The following HSD17B7 variants were observed in gnomAD, a reference collection of about 807,000 sequenced individuals.
HSD17B7 encodes hydroxysteroid 17-beta dehydrogenase 7.
In HSD17B7, 17 loss-of-function variants were observed where a neutral mutation model predicts 34.1. The ratio of observed to expected loss-of-function variants is 0.50; its 90% CI spans 0.34 to 0.75. HSD17B7 has a LOEUF of 0.75. Among genes scored for constraint, HSD17B7 ranks in the 30% least tolerant of loss-of-function variants. The probability of loss-of-function intolerance (pLI) is 0.01; values close to 1 mark genes in which losing one functional copy is unlikely to be tolerated. For missense variants in HSD17B7, 296 were observed against 406.6 expected (o/e 0.73, Z 2.34); for synonymous variants, 122 against 154.6 (o/e 0.79, Z 1.56).
chr1:162,806,459 G>T (rs183649390), intron 8 of HSD17B7, among the ~76,000 whole-genome samples: 8 of 152,204 alleles, frequency 5.3e-5, no homozygotes, highest in African/African-American at 1.4e-4. Context: ...GCAAGAAGCA[G>T]TTCCTCTAGC....
Position 162,799,942 on chromosome 1 carries a change from G to T in HSD17B7, c.642+5G>T. ...AACAGGAACTTCAACCAGCAGGTAA[G>T]GCCTGTCTCAGTGATACGGAAATGG... On this transcript the variant is annotated splice_donor_5th_base_variant and intron_variant, in intron 5 of 8. Coordinates refer to ENST00000254521, the MANE Select transcript of HSD17B7 (RefSeq NM_016371.4). 1.2e-6 allele frequency: 2 copies of T among 1,613,488 alleles called. No homozygotes were observed. Among genetic ancestry groups the T allele is most frequent in the Non-Finnish European group, 1.7e-6 (2 of 1,179,488 alleles).
intron 5 of HSD17B7, 174 bp downstream of exon 5, chr1:162,800,111 G>A: frequency 2.8e-6 from 2 of 717,816 alleles, no homozygotes; most frequent in South Asian, 1.5e-5. Flanking sequence ...TATAGTTATA[G>A]GTAGTTCATT....
chr1:162,794,476 A>C (rs1648532929), intron 2 of HSD17B7, among the ~76,000 whole-genome samples: 1 of 152,202 alleles, frequency 6.6e-6, no homozygotes, highest in African/African-American at 2.4e-5. Flanking sequence ...AAGAAAAAAA[A>C]ACAAAAAACC....
chr1:162,793,962 A>C (rs1648509063), intron 2 of HSD17B7, among the ~76,000 whole-genome samples: 1 of 152,220 alleles, frequency 6.6e-6, no homozygotes, highest in Non-Finnish European at 1.5e-5. Flanking sequence ...TTTGATCAAT[A>C]GTTGGTATAT....
At position 162,792,725 on chromosome 1, in the gene HSD17B7, G is replaced by T; in HGVS notation, c.102G>T (p.Ala34=). ...AEDDELHLCL[A]CRNMSKAEAV... ...ATGATGAGCTTCATCTGTGTTTGGC[G>T]TGCAGGAACATGAGCAAGGCAGAAG... The change falls in exon 2 of 9, where the codon GCG becomes GCT. Residue 34 remains alanine, a synonymous_variant. Transcript: ENST00000254521. 3 of 1,614,110 alleles carry T rather than the reference G, an allele frequency of 1.9e-6. No homozygotes were observed. Among genetic ancestry groups the T allele is most frequent in the Admixed American group, 1.7e-5 (1 of 60,020 alleles).
intron 4 of HSD17B7, chr1:162,799,478 TCTGGGTGCTTATTGCTG>T (rs1648733892): frequency 3.3e-6 from 1 of 302,266 alleles, no homozygotes; most frequent in African/African-American, 2.1e-5. Context: ...GAAACCAAGA[TCTGGGTGCTTATTGCTG>T]CTGAGATATC....
At chr1:162,795,532 G>T in intron 2 of HSD17B7, 2 of 385,332 alleles carry the variant, frequency 5.2e-6, no homozygotes, top group South Asian at 4.0e-5. Flanking sequence ...CACTATCTTT[G>T]TGGCACTTAC....
intron 8 of HSD17B7, among the ~76,000 whole-genome samples, chr1:162,810,777 CTT>C (rs1173249489): frequency 3.3e-5 from 5 of 151,982 alleles, no homozygotes; most frequent in Admixed American, 3.3e-4. Context: ...CAACCCCTGC[CTT>C]TTTTTGTTTT....
intron 7 of HSD17B7, among the ~76,000 whole-genome samples, chr1:162,805,173 A>G (rs1422003147): frequency 6.6e-6 from 1 of 152,260 alleles, no homozygotes; most frequent in African/African-American, 2.4e-5. Flanking sequence ...ACAGAAATAA[A>G]TGCATTTATT....
At chr1:162,807,694 T>C (rs1335043375) in intron 8 of HSD17B7, among the ~76,000 whole-genome samples, 2 of 152,204 alleles carry the variant, frequency 1.3e-5, no homozygotes, top group Non-Finnish European at 2.9e-5. Flanking sequence ...TATCTCATTG[T>C]GGTTTTGATT....
At chr1:162,793,776 T>C (rs1648500661) in intron 2 of HSD17B7, among the ~76,000 whole-genome samples, 1 of 152,224 alleles carries the variant, frequency 6.6e-6, no homozygotes, top group East Asian at 1.9e-4. Flanking sequence ...ATTTAACAAG[T>C]GAAGAAACTG....
At chr1:162,792,902 G>A (rs1423342016) in intron 2 of HSD17B7, 40 bp downstream of exon 2, 1 of 1,586,112 alleles carries the variant, frequency 6.3e-7, no homozygotes, top group South Asian at 1.1e-5. Flanking sequence ...TCATGTGATT[G>A]TGCAGCATAA....
At chr1:162,794,452 T>C (rs1401371571) in intron 2 of HSD17B7, among the ~76,000 whole-genome samples, 2 of 152,316 alleles carry the variant, frequency 1.3e-5, no homozygotes, top group Middle Eastern at 6.8e-3. Context: ...ATTAGAGTTT[T>C]CTACCGCATC....
intron 8 of HSD17B7, among the ~76,000 whole-genome samples, chr1:162,810,659 ATAGT>A: frequency 7.0e-6 from 1 of 142,924 alleles, no homozygotes; most frequent in Middle Eastern, 3.6e-3. Flanking sequence ...ATATATTTAG[ATAGT>A]TAGTTCTTCT....
At position 162,804,020 on chromosome 1, in the gene HSD17B7, A is replaced by G. The variant is rs182415688; in HGVS notation, c.748-247A>G. 1.6e-4 allele frequency among the ~76,000 whole-genome samples: 25 copies of G among 152,354 alleles called. No homozygotes were observed. The East Asian group carries it at 4.6e-3, about 28-fold the overall frequency. On this transcript the variant is annotated intron_variant, in intron 6 of 8. Transcript: ENST00000254521. Reference sequence around the variant, plus strand: ...ATGATTCTCTCTTTAGGGCTCAGGAAGAAGTGTCTTTTCCTTAGGGCAGGC... The same window carrying G: ...ATGATTCTCTCTTTAGGGCTCAGGAGGAAGTGTCTTTTCCTTAGGGCAGGC...
At chr1:162,795,127 A>T (rs931208995) in intron 2 of HSD17B7, among the ~76,000 whole-genome samples, 1 of 152,216 alleles carries the variant, frequency 6.6e-6, no homozygotes, top group Admixed American at 6.5e-5. Flanking sequence ...AAGTGTCCAG[A>T]TAGATTCTTA....
At chr1:162,804,424 G>T in intron 7 of HSD17B7, 101 bp downstream of exon 7, 1 of 775,842 alleles carries the variant, frequency 1.3e-6, no homozygotes, top group Non-Finnish European at 2.1e-6. Flanking sequence ...GATAATAAGA[G>T]AATAAGCTCT....
chr1:162,802,440 A>C (rs1298231580), intron 5 of HSD17B7, among the ~76,000 whole-genome samples: 1 of 152,008 alleles, frequency 6.6e-6, no homozygotes, highest in Non-Finnish European at 1.5e-5. Context: ...TTAGCTCTTG[A>C]CTTTTTTCTA....
At chr1:162,805,770 T>G (rs2102236188) in intron 8 of HSD17B7, among the ~76,000 whole-genome samples, 1 of 152,316 alleles carries the variant, frequency 6.6e-6, no homozygotes, top group Non-Finnish European at 1.5e-5. Flanking sequence ...AGACCGGGCC[T>G]GGGTGCCTCT....
Sources: gnomAD v4.1 joint callset for allele counts (sites outside exome capture counted in the v4.1 genomes callset) on GRCh38, gnomAD v4.1.1 for gene constraint, MANE v1.5 for transcripts, NCBI Gene and HGNC (gene_info 2026-07-23, HGNC 2026-07-21) for gene names.